MED16: variants seen among roughly 807,000 people sequenced by gnomAD.
MED16 encodes mediator complex subunit 16.
MED16 carries 81 observed loss-of-function variants against 84.4 expected under a neutral mutation model. That is an observed-to-expected ratio of 0.96 (90% CI 0.80 to 1.15). MED16 has a LOEUF of 1.15. Ranked by LOEUF, MED16 falls within the 50% of genes most tolerant of loss-of-function variation. The pLI is 0.00. For missense variants in MED16, 1,585 were observed against 1,245.9 expected (o/e 1.27, Z -4.10); for synonymous variants, 897 against 552.2 (o/e 1.62, Z -8.76).
chr19:879,054 A>C (rs2036344083), intron 8 of MED16, among the ~76,000 whole-genome samples: 1 of 103,504 alleles, frequency 9.7e-6, no homozygotes, highest in African/African-American at 3.9e-5. Context: ...CCCGGTTGTC[A>C]ATGCCCACCA....
chr19:874,608 T>C (rs1241324396), intron 10 of MED16, among the ~76,000 whole-genome samples: 1 of 152,108 alleles, frequency 6.6e-6, no homozygotes, highest in Non-Finnish European at 1.5e-5. Context: ...GTGCCGGGTG[T>C]CGGCCTGGGA....
chr19:891,969 C>CG (rs1216205981), intron 1 of MED16, among the ~76,000 whole-genome samples: 2 of 117,810 alleles, frequency 1.7e-5, no homozygotes, highest in African/African-American at 6.9e-5. Context: ...CTGAGTGTGA[C>CG]GGGGAACACC....
chr19:881,765 T>C, intron 6 of MED16, 51 bp from the exon 7 acceptor site: 1 of 1,580,852 alleles, frequency 6.3e-7, no homozygotes, highest in East Asian at 2.2e-5. Context: ...AAAGACAGGC[T>C]GAGACAGCCG....
intron 6 of MED16, among the ~76,000 whole-genome samples, chr19:883,335 TGGC>T (rs1268735551): frequency 8.1e-6 from 1 of 123,658 alleles, no homozygotes; most frequent in Non-Finnish European, 1.7e-5. Flanking sequence ...GAGCTGGGCA[TGGC>T]GGGGACCGAA....
chr19:890,128 G>C lies in MED16; in HGVS notation c.277+9C>G. On this transcript the variant is annotated intron_variant, in intron 3 of 15. Transcript: ENST00000325464. ...CGCCACCCCTGGCCACGTGGGACCA[G>C]CGCCTCACCTGACTGGTCCCACTCC... 1 of 1,541,930 alleles carries C rather than the reference G, an allele frequency of 6.5e-7. No individual in the cohort carries two copies. Among genetic ancestry groups the C allele is most frequent in the African/African-American group, 1.4e-5 (1 of 72,982 alleles).
chr19:886,610 C>T (rs1007846115), intron 4 of MED16, among the ~76,000 whole-genome samples: 12 of 152,214 alleles, frequency 7.9e-5, no homozygotes, highest in African/African-American at 2.7e-4. Context: ...CAAACCCAGG[C>T]GGGGGCCGTC....
intron 11 of MED16, 151 bp from the exon 12 acceptor site, chr19:872,269 G>T: frequency 3.1e-6 from 2 of 635,404 alleles, no homozygotes; most frequent in South Asian, 2.1e-5. Context: ...TTCTGGCACC[G>T]AGTGGGTGGA....
intron 5 of MED16, 80 bp from the exon 6 acceptor site, chr19:885,088 C>CA: frequency 2.7e-6 from 3 of 1,102,458 alleles, no homozygotes; most frequent in Non-Finnish European, 4.0e-6. Flanking sequence ...GCTGCGGGAC[C>CA]CTGGGGCCAC....
chr19:891,934 G>A (rs1220321412), intron 1 of MED16, among the ~76,000 whole-genome samples: 2 of 140,228 alleles, frequency 1.4e-5, no homozygotes, highest in African/African-American at 5.5e-5. Flanking sequence ...AGTGTGATGG[G>A]GAACACCTGT....
chr19:876,833 C>T, intron 9 of MED16, 141 bp downstream of exon 9: 1 of 799,956 alleles, frequency 1.3e-6, no homozygotes, highest in Non-Finnish European at 1.9e-6. Context: ...GGGCCCCTGC[C>T]TGCCACAGGG....
chr19:889,584 TG>T, intron 4 of MED16, 53 bp downstream of exon 4: 2 of 1,550,140 alleles, frequency 1.3e-6, no homozygotes, highest in South Asian at 2.4e-5. Flanking sequence ...GGCGGGTGGC[TG>T]GGTAGGGTGA....
At chr19:879,264 T>C (rs1245856053) in intron 8 of MED16, among the ~76,000 whole-genome samples, 2 of 129,450 alleles carry the variant, frequency 1.5e-5, no homozygotes, top group Non-Finnish European at 1.6e-5. Flanking sequence ...CGCCTTCCTC[T>C]GGTTGTCAAT....
At chr19:871,825 G>A (rs1220629937) in intron 12 of MED16, 101 bp downstream of exon 12, 2 of 168,060 alleles carry the variant, frequency 1.2e-5, no homozygotes, top group East Asian at 1.3e-4. Flanking sequence ...GGGAGAGCGG[G>A]GAGAGGGGAG....
chr19:871,285 C>A, intron 12 of MED16, 32 bp from the exon 13 acceptor site: 4 of 1,516,032 alleles, frequency 2.6e-6, no homozygotes, highest in Middle Eastern at 1.8e-4. Flanking sequence ...GTCTCAGCAC[C>A]CCTGACTGGG....
At chr19:872,419 C>T (rs986583198) in intron 11 of MED16, among the ~76,000 whole-genome samples, 1 of 152,000 alleles carries the variant, frequency 6.6e-6, no homozygotes, top group Non-Finnish European at 1.5e-5. Context: ...GGAGCAGCCG[C>T]CCCCTCCTAC....
At chr19:869,139 A>C (rs1568316766) in intron 13 of MED16, among the ~76,000 whole-genome samples, 193 bp from the exon 14 acceptor site, 1 of 146,592 alleles carries the variant, frequency 6.8e-6, no homozygotes, top group Non-Finnish European at 1.5e-5. Context: ...AGGGGGCGGG[A>C]CCCCCCACAC....
At chr19:880,289 C>T (rs1477807271) in intron 7 of MED16, 141 bp from the exon 8 acceptor site, 7 of 687,356 alleles carry the variant, frequency 1.0e-5, no homozygotes, top group Admixed American at 3.9e-5. Context: ...ATCCAGCGCC[C>T]GTGCCCCCAG....
chr19:880,924 CAAAAAAAAAAA>C (rs1352303475), intron 7 of MED16, among the ~76,000 whole-genome samples: 2 of 96,380 alleles, frequency 2.1e-5, no homozygotes, highest in African/African-American at 3.9e-5. Context: ...GACTCCAACT[CAAAAAAAAAAA>C]GAAAAAAAAA....
rs1232244519 is a variant in MED16 at position 872,366 on chromosome 19, G to A, written c.1906-248C>T. 2.6e-5 allele frequency among the ~76,000 whole-genome samples: 4 copies of A among 152,166 alleles called. No homozygotes were observed. In the East Asian group the frequency reaches 7.7e-4, roughly 29 times the overall value. ...CATCCCTGAGAGTCCACAAGACTAA[G>A]ACGAGGCTCTGGCTGAGGCCAATAT... On this transcript the variant is annotated intron_variant, in intron 11 of 15. Transcript: ENST00000325464.
Sources: allele counts gnomAD v4.1 joint callset (sites outside exome capture counted in the v4.1 genomes callset), GRCh38; gene constraint gnomAD v4.1.1; transcripts MANE v1.5; gene names NCBI Gene and HGNC (gene_info 2026-07-23, HGNC 2026-07-21).